HACD3: variants seen among roughly 807,000 people sequenced by gnomAD.
HACD3 encodes 3-hydroxyacyl-CoA dehydratase 3.
Under a neutral mutation model 55.2 loss-of-function variants are expected in HACD3, and 30 were observed. The observed-to-expected ratio is 0.54, with a 90% CI of 0.41 to 0.74. The LOEUF is 0.74. Among genes scored for constraint, HACD3 ranks in the 30% least tolerant of loss-of-function variants. HACD3 has a pLI of 0.00. For missense variants in HACD3, 363 were observed against 440.1 expected, an observed-to-expected ratio of 0.82 and a Z score of 1.57; for synonymous variants, 141 against 151.7, an observed-to-expected ratio of 0.93 and a Z score of 0.52.
chr15:65,552,315 G>A (rs2141213419), intron 2 of HACD3, among the ~76,000 whole-genome samples: 1 of 151,956 alleles, frequency 6.6e-6, no homozygotes, highest in Non-Finnish European at 1.5e-5. Flanking sequence ...AAATTATTAT[G>A]GAAACATAAA....
intron 1 of HACD3, chr15:65,530,948 C>T (rs1204058826): frequency 2.0e-6 from 1 of 509,208 alleles, no homozygotes; most frequent in Non-Finnish European, 3.5e-6. Flanking sequence ...CCCCAGAGAG[C>T]TCGGCCTGGG....
At chr15:65,567,029 T>C (rs566836507) in intron 7 of HACD3, 69 of 152,240 alleles carry the variant, frequency 4.5e-4, no homozygotes, top group African/African-American at 1.4e-3. Context: ...ATAATCAAAC[T>C]TTAAAATTTA....
At chr15:65,551,361 T>C (rs990351312) in intron 1 of HACD3, among the ~76,000 whole-genome samples, 2 of 152,236 alleles carry the variant, frequency 1.3e-5, no homozygotes, top group African/African-American at 4.8e-5. Flanking sequence ...GATCTCTGTA[T>C]TCCCGTGTCA....
At chr15:65,542,227 C>CA (rs527287203) in intron 1 of HACD3, among the ~76,000 whole-genome samples, 1,560 of 63,006 alleles carry the variant, frequency 0.025, 76 homozygotes, top group African/African-American at 0.068. Flanking sequence ...GACTCCATCT[C>CA]AAAAAAAAAA....
chr15:65,530,595 G>C lies in HACD3; in HGVS notation c.-37G>C, dbSNP rs775957220. ...GCACTACCTGAGGCAGCGAGGCGCA[G>C]CGAGCCTAGCCTCCCCGCGCCCTGG... On this transcript the variant is annotated 5_prime_UTR_variant, in exon 1 of 11. Transcript: ENST00000261875. 1.5e-5 allele frequency: 23 copies of C among 1,535,366 alleles called. No individual in the cohort carries two copies. Among genetic ancestry groups the C allele is most frequent in the Non-Finnish European group, 1.9e-5 (22 of 1,134,994 alleles).
Position 65,573,481 on chromosome 15 carries a change from G to T in HACD3, c.1012+1115G>T, listed in dbSNP as rs1213481445. Among the ~76,000 whole-genome samples the T allele has an allele frequency of 2.0e-5, 3 of 151,998 alleles. No individual in the cohort carries two copies. In the East Asian group the frequency reaches 5.8e-4, roughly 29 times the overall value. On this transcript the variant is annotated intron_variant, in intron 10 of 10. Coordinates refer to ENST00000261875, the MANE Select transcript of HACD3 (RefSeq NM_016395.4). ...AAATTGGCTGGGCTTGGTGGCGCAT[G>T]CCTGTAATTCCAGCTACTTGGGAGG...
At chr15:65,535,847 C>A in intron 1 of HACD3, 1 of 590,740 alleles carries the variant, frequency 1.7e-6, no homozygotes, top group Non-Finnish European at 3.0e-6. Flanking sequence ...ACCTGCCTAG[C>A]TAATTTTCAA....
intron 1 of HACD3, among the ~76,000 whole-genome samples, chr15:65,533,560 A>T (rs2071923719): frequency 6.6e-6 from 1 of 152,022 alleles, no homozygotes; most frequent in East Asian, 1.9e-4. Context: ...TTTCAGAGTA[A>T]CCTTGTCTGA....
At chr15:65,571,418 A>G (rs188218501) in intron 8 of HACD3, 130 bp from the exon 9 acceptor site, 1 of 644,466 alleles carries the variant, frequency 1.6e-6, no homozygotes, top group African/African-American at 1.8e-5. Flanking sequence ...GTTGATAGCC[A>G]GCGTTATAAT....
intron 10 of HACD3, among the ~76,000 whole-genome samples, chr15:65,573,720 TAC>T (rs2141227732): frequency 6.6e-6 from 1 of 152,306 alleles, no homozygotes; most frequent in East Asian, 1.9e-4. Context: ...TGAAAATACA[TAC>T]ATTCTTATGT....
intron 1 of HACD3, among the ~76,000 whole-genome samples, chr15:65,540,292 C>T (rs776279806): frequency 8.5e-5 from 13 of 152,092 alleles, no homozygotes; most frequent in Non-Finnish European, 1.6e-4. Context: ...ACTAGATATT[C>T]AGTAATGAGC....
rs539842593 is a variant in HACD3, at chr15:65,563,618, G to A, written c.533-597G>A. Reference sequence around the variant, plus strand: ...CAGGAGGTTGAAGCTGCAGTAAGCCGTGATCATGACACTGTACTCTAGACT... The same window carrying A: ...CAGGAGGTTGAAGCTGCAGTAAGCCATGATCATGACACTGTACTCTAGACT... On this transcript the variant is annotated intron_variant, in intron 6 of 10. Transcript: ENST00000261875. Among the ~76,000 whole-genome samples the A allele has an allele frequency of 5.9e-5, 9 of 152,096 alleles. No individual in the cohort carries two copies. The South Asian group carries it at 6.2e-4, about 11-fold the overall frequency.
intron 1 of HACD3, among the ~76,000 whole-genome samples, chr15:65,534,882 A>G (rs896116778): frequency 3.3e-5 from 5 of 152,256 alleles, no homozygotes; most frequent in African/African-American, 1.2e-4. Context: ...GTGAGTGATT[A>G]TGATGATTGC....
chr15:65,542,846 C>A (rs966514363), intron 1 of HACD3, among the ~76,000 whole-genome samples: 1 of 151,862 alleles, frequency 6.6e-6, no homozygotes. Context: ...GAGGCTGAGG[C>A]GGGCAGATGA....
At chr15:65,551,958 G>A (rs1453854180) in intron 2 of HACD3, 6 of 408,296 alleles carry the variant, frequency 1.5e-5, no homozygotes, top group South Asian at 7.3e-5. Flanking sequence ...AAAAAAAAAA[G>A]AATCCTGGGT....
intron 3 of HACD3, among the ~76,000 whole-genome samples, chr15:65,556,502 C>T (rs145051330): frequency 1.7e-4 from 26 of 151,894 alleles, no homozygotes; most frequent in Non-Finnish European, 3.5e-4. Flanking sequence ...CACTCACTTG[C>T]CCACCACTCA....
chr15:65,566,685 A>C (rs1027547951), intron 7 of HACD3: 5 of 152,226 alleles, frequency 3.3e-5, no homozygotes, highest in Non-Finnish European at 7.3e-5. Context: ...GCCAAACCAT[A>C]TCTGTATGTT....
At chr15:65,537,875 A>G (rs1174707786) in intron 1 of HACD3, among the ~76,000 whole-genome samples, 3 of 144,200 alleles carry the variant, frequency 2.1e-5, no homozygotes, top group African/African-American at 7.6e-5. Flanking sequence ...ATGATAGCAC[A>G]TTTGTTTACA....
At chr15:65,539,470 C>T (rs1010697001) in intron 1 of HACD3, among the ~76,000 whole-genome samples, 2 of 152,098 alleles carry the variant, frequency 1.3e-5, no homozygotes, top group African/African-American at 2.4e-5. Context: ...ATCTGCCTGC[C>T]TTGGCCTCCC....
Sources: gnomAD v4.1 joint callset for allele counts (sites outside exome capture counted in the v4.1 genomes callset) on GRCh38, gnomAD v4.1.1 for gene constraint, MANE v1.5 for transcripts, NCBI Gene and HGNC (gene_info 2026-07-23, HGNC 2026-07-21) for gene names.